HPSE2: variants seen among roughly 807,000 people sequenced by gnomAD.
The protein encoded by HPSE2 is heparanase 2 (inactive).
In HPSE2, 38 loss-of-function variants were observed where a neutral mutation model predicts 60.5. The ratio of observed to expected loss-of-function variants is 0.63; its 90% CI spans 0.48 to 0.82. HPSE2 has a LOEUF of 0.82. Among genes scored for constraint, HPSE2 ranks in the 40% least tolerant of loss-of-function variants. The pLI, the probability that HPSE2 is intolerant of heterozygous loss-of-function variation, is 0.00. For synonymous variants in HPSE2, 295 were observed against 293.2 expected (o/e 1.01, Z -0.06); for missense variants, 713 against 740.4 (o/e 0.96, Z 0.43).
intron 9 of HPSE2, among the ~76,000 whole-genome samples, chr10:98,609,024 T>G (rs1057117102): frequency 2.0e-5 from 3 of 152,224 alleles, no homozygotes; most frequent in African/African-American, 7.2e-5. Context: ...ACTGGAAAAT[T>G]AATGCCTCTG....
At chr10:98,848,035 G>A (rs1025611849) in intron 3 of HPSE2, among the ~76,000 whole-genome samples, 9 of 152,172 alleles carry the variant, frequency 5.9e-5, no homozygotes, top group Admixed American at 2.6e-4. Flanking sequence ...AAAAATAGTC[G>A]TTAAAAGATT....
rs763149997 is a variant in HPSE2, at chr10:98,938,464, T to TGA, written c.611-194410_611-194409dup. ...AATGCAGAAGCCTCAGGAGCCAATGTGATCAACTGGAAGAAAGGTTATCAG... is the reference window on the plus strand; with the variant it reads ...AATGCAGAAGCCTCAGGAGCCAATGTGAGATCAACTGGAAGAAAGGTTATCAG... On this transcript the variant is annotated intron_variant, in intron 3 of 11. Transcript: ENST00000370552. Among the ~76,000 whole-genome samples the TGA allele has an allele frequency of 1.6e-3, 225 of 144,004 alleles. 12 individuals carry two copies. Among genetic ancestry groups the TGA allele is most frequent in the Non-Finnish European group, 2.7e-3 (182 of 67,258 alleles). 94.5% of individuals were successfully genotyped at this position (144,004 alleles called of 152,430 possible).
At position 98,930,829 on chromosome 10, in the gene HPSE2, T is replaced by C. The variant is rs1043793503; in HGVS notation, c.611-186773A>G. ...CTTTTTGATGGGGTTGTTTTTTGCT[T>C]GTAAATTTGCATAAGTTCCTTGTAG... On this transcript the variant is annotated intron_variant, in intron 3 of 11. Transcript: ENST00000370552. Among the ~76,000 whole-genome samples the C allele has an allele frequency of 4.2e-5, 6 of 144,392 alleles. 1 individual carries two copies. The highest frequency in any genetic ancestry group is 1.7e-4 in the African/African-American group (6 of 35,634). 94.7% of individuals were successfully genotyped at this position (144,392 alleles called of 152,430 possible). A position where few individuals can be genotyped will look rare whatever the true frequency, so the allele number is the denominator to read the frequency against.
chr10:98,879,906 C>T (rs1321280472), intron 3 of HPSE2, among the ~76,000 whole-genome samples: 2 of 147,792 alleles, frequency 1.4e-5, no homozygotes, highest in Non-Finnish European at 3.0e-5. Context: ...CTGCAGAATC[C>T]TACTCCACCA....
chr10:99,237,102 G>C (rs142664812), upstream of HPSE2, among the ~76,000 whole-genome samples: 8 of 152,260 alleles, frequency 5.3e-5, no homozygotes, highest in East Asian at 1.5e-3. Context: ...ACAACAGCTT[G>C]CAAATTGAAC....
At chr10:99,297,918 T>C in the HPSE2 span, among the ~76,000 whole-genome samples, 1 of 152,224 alleles carries the variant, frequency 6.6e-6, no homozygotes, top group Non-Finnish European at 1.5e-5. Flanking sequence ...AGGCGAATGT[T>C]GGTCTTGCCT....
intron 3 of HPSE2, among the ~76,000 whole-genome samples, chr10:98,887,998 CAAT>C (rs1953217102): frequency 6.6e-6 from 1 of 151,378 alleles, no homozygotes; most frequent in Admixed American, 6.6e-5. Context: ...TTTGATAGCA[CAAT>C]AATGTGACTA....
chr10:98,741,536 C>T (rs1949496906), intron 4 of HPSE2, among the ~76,000 whole-genome samples: 1 of 151,278 alleles, frequency 6.6e-6, no homozygotes, highest in African/African-American at 2.4e-5. Context: ...TCCAACCCAC[C>T]CCCGCCACAA....
intron 3 of HPSE2, among the ~76,000 whole-genome samples, chr10:99,099,801 A>G (rs1041456467): frequency 1.3e-5 from 2 of 152,180 alleles, no homozygotes; most frequent in African/African-American, 4.8e-5. Context: ...AAGCTTCCAG[A>G]GAAACAATGA....
intron 11 of HPSE2, among the ~76,000 whole-genome samples, chr10:98,477,568 G>A (rs576148427): frequency 6.6e-6 from 1 of 152,304 alleles, no homozygotes; most frequent in East Asian, 1.9e-4. Flanking sequence ...AATTGAACAA[G>A]GCACATAAGG....
the HPSE2 span, among the ~76,000 whole-genome samples, chr10:99,303,473 C>T: frequency 6.6e-5 from 10 of 152,090 alleles, no homozygotes; most frequent in South Asian, 2.1e-4. Flanking sequence ...CCTCCCTGTT[C>T]GACCAGGAAA....
chr10:98,736,213 G>T (rs116082558), intron 4 of HPSE2, among the ~76,000 whole-genome samples: 6,165 of 149,414 alleles, frequency 0.041, 157 homozygotes, highest in South Asian at 0.078. Flanking sequence ...CTTTTGCTTG[G>T]TTTTTTTTTT....
chr10:98,491,576 T>C (rs1272035345), intron 9 of HPSE2, among the ~76,000 whole-genome samples: 3 of 152,244 alleles, frequency 2.0e-5, no homozygotes, highest in Non-Finnish European at 4.4e-5. Flanking sequence ...TGATTTGCAA[T>C]GTACTTTCTT....
chr10:99,158,585 A>T (rs1846684013), intron 2 of HPSE2, among the ~76,000 whole-genome samples: 1 of 138,864 alleles, frequency 7.2e-6, no homozygotes, highest in South Asian at 2.4e-4. Flanking sequence ...GGGGACTATC[A>T]CACTCTGGGG....
chr10:98,486,308 G>A (rs548554186), intron 10 of HPSE2, among the ~76,000 whole-genome samples: 2 of 152,298 alleles, frequency 1.3e-5, no homozygotes, highest in South Asian at 2.1e-4. Context: ...GGCTTGGCCT[G>A]CAAGCATTTG....
At chr10:98,597,400 C>T (rs1416888918) in intron 9 of HPSE2, among the ~76,000 whole-genome samples, 1 of 151,938 alleles carries the variant, frequency 6.6e-6, no homozygotes, top group East Asian at 1.9e-4. Flanking sequence ...TGCCACGGCT[C>T]ACACCTGTAA....
At chr10:98,991,780 G>T (rs972586849) in intron 3 of HPSE2, among the ~76,000 whole-genome samples, 1 of 152,078 alleles carries the variant, frequency 6.6e-6, no homozygotes, top group Non-Finnish European at 1.5e-5. Context: ...CAGTAAGATT[G>T]GTGGGCATCA....
intron 3 of HPSE2, among the ~76,000 whole-genome samples, chr10:99,075,681 G>A (rs900926691): frequency 6.6e-6 from 1 of 151,942 alleles, no homozygotes; most frequent in African/African-American, 2.4e-5. Flanking sequence ...TTCTGTCGAT[G>A]TTTGTTTTAA....
At chr10:99,300,061 C>A in the HPSE2 span, among the ~76,000 whole-genome samples, 1 of 149,522 alleles carries the variant, frequency 6.7e-6, no homozygotes, top group African/African-American at 2.5e-5. Context: ...CCAAAAAGCA[C>A]AATTGTTAGA....
Sources: allele counts gnomAD v4.1 joint callset (sites outside exome capture counted in the v4.1 genomes callset), GRCh38; gene constraint gnomAD v4.1.1; transcripts MANE v1.5; gene names NCBI Gene and HGNC (gene_info 2026-07-23, HGNC 2026-07-21).